NBPF12: variants seen among roughly 807,000 people sequenced by gnomAD.
NBPF12 encodes NBPF family member NBPF12.
Under a neutral mutation model 146.4 loss-of-function variants are expected in NBPF12, and 115 were observed. The ratio of observed to expected loss-of-function variants is 0.79; its 90% CI spans 0.68 to 0.92. The LOEUF (loss-of-function observed/expected upper bound fraction) is 0.92, where lower values mean the gene tolerates loss of function less well. Ranked by LOEUF, NBPF12 falls within the 40% of genes least tolerant of loss-of-function variation. NBPF12 has a pLI of 0.00. For synonymous variants in NBPF12, 385 were observed against 508.9 expected, an observed-to-expected ratio of 0.76 and a Z score of 3.28; for missense variants, 1,205 against 1,326.8, an observed-to-expected ratio of 0.91 and a Z score of 1.43.
chr1:146,972,419 GAAAA>G (rs1310829817), intron 13 of NBPF12, among the ~76,000 whole-genome samples: 1 of 145,224 alleles, frequency 6.9e-6, no homozygotes, highest in Non-Finnish European at 1.5e-5. Flanking sequence ...AACCAAAAAA[GAAAA>G]AAATTAAAAA....
intron 6 of NBPF12, among the ~76,000 whole-genome samples, 178 bp from the exon 10 acceptor site, chr1:146,964,179 A>G (rs1656041080): frequency 6.7e-6 from 1 of 149,680 alleles, no homozygotes; most frequent in Admixed American, 6.6e-5. Flanking sequence ...CACATCAGAA[A>G]TGCATTGCCT....
rs1559520714 is a variant in NBPF12 at position 146,964,479 on chromosome 1, G to A, written c.566+50G>A. ...GTAATGGGTGGTAACATATGAAAATGTCTAGAAGGCACACCCTCTCTGGCA... is the reference window on the plus strand; with the variant it reads ...GTAATGGGTGGTAACATATGAAAATATCTAGAAGGCACACCCTCTCTGGCA... On this transcript the variant is annotated intron_variant, in intron 7 of 33. Coordinates refer to ENST00000617844, the Ensembl canonical transcript of NBPF12. 8.8e-6 allele frequency: 14 copies of A among 1,592,582 alleles called. No homozygotes were observed. The South Asian group carries it at 1.5e-4, about 18-fold the overall frequency.
At chr1:146,938,565 G>T (rs1172034192), upstream of NBPF12, among the ~76,000 whole-genome samples, 2 of 152,096 alleles carry the variant, frequency 1.3e-5, no homozygotes, top group African/African-American at 4.8e-5. Context: ...TTCTCCGCCC[G>T]CGGCCCGAAC....
chr1:146,963,436 T>G (rs1214627133), intron 6 of NBPF12, 127 bp downstream of exon 9: 2 of 1,586,712 alleles, frequency 1.3e-6, no homozygotes, highest in African/African-American at 2.7e-5. Flanking sequence ...GGCCATGACA[T>G]GATCAGGACT....
At chr1:146,963,659 A>T (rs1441394243) in intron 6 of NBPF12, among the ~76,000 whole-genome samples, 1 of 151,860 alleles carries the variant, frequency 6.6e-6, no homozygotes, top group East Asian at 1.9e-4. Flanking sequence ...CTTTTTGGCA[A>T]TGTTCTTAGT....
intron 13 of NBPF12, among the ~76,000 whole-genome samples, chr1:146,972,163 G>C (rs1399708079): frequency 1.3e-5 from 2 of 150,724 alleles, no homozygotes; most frequent in African/African-American, 5.0e-5. Context: ...GGGAGGCGGA[G>C]GTAGGTGGAA....
chr1:146,940,966 A>G (rs1272446840), intron 1 of NBPF12, among the ~76,000 whole-genome samples: 1 of 151,912 alleles, frequency 6.6e-6, no homozygotes, highest in Admixed American at 6.6e-5. Flanking sequence ...TTGATTTGTA[A>G]TACTTTATTC....
chr1:146,961,432 T>A (rs1489930600), intron 4 of NBPF12, among the ~76,000 whole-genome samples: 7 of 152,034 alleles, frequency 4.6e-5, no homozygotes, highest in Admixed American at 4.6e-4. Context: ...TGCAATGAAT[T>A]ACATGAGGTA....
intron 14 of NBPF12, 95 bp downstream of exon 17, chr1:146,973,055 T>C: frequency 1.4e-6 from 1 of 724,174 alleles, no homozygotes; most frequent in Non-Finnish European, 2.5e-6. Context: ...AATAATGTCA[T>C]CCTCCCCATA....
chr1:146,992,823 C>T, exon 32 of NBPF12: 1 of 696,600 alleles, frequency 1.4e-6, no homozygotes, highest in Non-Finnish European at 2.6e-6. Flanking sequence ...CCTGCCAGCC[C>T]TACAGAAGTT....
chr1:146,971,401 T>C lies in NBPF12; in HGVS notation c.1591+7T>C, dbSNP rs1425123750. 4.4e-5 allele frequency: 71 copies of C among 1,607,338 alleles called. No homozygotes were observed. The highest frequency in any genetic ancestry group is 6.0e-5 in the Non-Finnish European group (71 of 1,176,554). On this transcript the variant is annotated splice_region_variant and intron_variant, in intron 13 of 33. Coordinates refer to ENST00000617844, the Ensembl canonical transcript of NBPF12. The stretch of plus-strand genomic sequence containing the variant: ...GCTCTAAACATTCTCCCAGGTAGCC[T>C]CTATTTTCCTTGTGTCTCATACCTC...
intron 19 of NBPF12, among the ~76,000 whole-genome samples, chr1:146,981,290 A>ATAT (rs1264698070): frequency 0.021 from 2,258 of 107,272 alleles, 54 homozygotes; most frequent in African/African-American, 0.061. Flanking sequence ...AAAAAAAAAA[A>ATAT]AAAAATATAT....
chr1:146,960,192 A>C (rs1391582831), exon 4 of NBPF12: 9,322 of 774,592 alleles, frequency 0.012, 69 homozygotes, highest in Non-Finnish European at 0.017. Context: ...AGAGATGAAC[A>C]TTCTAGAAAT....
intron 1 of NBPF12, among the ~76,000 whole-genome samples, chr1:146,950,170 C>T (rs1415190662): frequency 0.013 from 1,924 of 151,936 alleles, 56 homozygotes; most frequent in African/African-American, 0.045. Flanking sequence ...CCTGAGGTTT[C>T]CAGATTTCAT....
At chr1:146,994,701 A>G (rs1340130776) in exon 34 of NBPF12, 6 of 1,472,908 alleles carry the variant, frequency 4.1e-6, no homozygotes, top group Admixed American at 2.1e-5. Context: ...GCATGGCTCT[A>G]TTCCTATTCT....
At chr1:146,954,389 CAAAAAAAAAAA>C (rs1170420550) in intron 2 of NBPF12, among the ~76,000 whole-genome samples, 1,070 of 24,130 alleles carry the variant, frequency 0.044, 47 homozygotes, top group African/African-American at 0.12. Flanking sequence ...GACTCTGTCT[CAAAAAAAAAAA>C]AAAAAAAAAA....
At chr1:146,966,529 G>C (rs1463537553) in exon 9 of NBPF12, 9 of 1,474,092 alleles carry the variant, frequency 6.1e-6, no homozygotes, top group East Asian at 2.3e-5. Context: ...TTTGTCCAGC[G>C]AGAAGGCAGA....
chr1:146,980,652 G>A (rs1169756432), intron 19 of NBPF12, among the ~76,000 whole-genome samples: 15 of 151,990 alleles, frequency 9.9e-5, no homozygotes, highest in Admixed American at 8.5e-4. Context: ...AGAGGATGTG[G>A]AGAAATCGAA....
chr1:146,958,034 G>A (rs1655683110), intron 2 of NBPF12, among the ~76,000 whole-genome samples: 1 of 111,052 alleles, frequency 9.0e-6, no homozygotes, highest in Non-Finnish European at 1.9e-5. Flanking sequence ...ATATACACGT[G>A]TATATATATT....
Sources: gnomAD v4.1 joint callset for allele counts (sites outside exome capture counted in the v4.1 genomes callset) on GRCh38, gnomAD v4.1.1 for gene constraint, MANE v1.5 for transcripts, NCBI Gene and HGNC (gene_info 2026-07-23, HGNC 2026-07-21) for gene names.